Variants in ATXN1 observed in about 807,000 individuals in gnomAD.
ATXN1 encodes the protein ataxin 1, also known as ataxin-1.
Under a neutral mutation model 56.4 loss-of-function variants are expected in ATXN1, and 8 were observed. That is an observed-to-expected ratio of 0.14 (90% CI 0.08 to 0.26). ATXN1 has a LOEUF of 0.26. Ranked by LOEUF, ATXN1 falls within the 10% of genes least tolerant of loss-of-function variation. The probability of loss-of-function intolerance (pLI) is 1.00; values close to 1 mark genes in which losing one functional copy is unlikely to be tolerated. For missense variants in ATXN1, 987 were observed against 1,106.5 expected (o/e 0.89, Z 1.53); for synonymous variants, 514 against 494.6 (o/e 1.04, Z -0.52).
At chr6:16,377,077 GA>G (rs1762154695) in intron 6 of ATXN1, among the ~76,000 whole-genome samples, 1 of 152,120 alleles carries the variant, frequency 6.6e-6, no homozygotes, top group South Asian at 2.1e-4. Context: ...GGACCCCAGA[GA>G]GCGACCTTGC....
intron 3 of ATXN1, among the ~76,000 whole-genome samples, chr6:16,588,709 T>C (rs1488700776): frequency 1.3e-5 from 2 of 152,178 alleles, no homozygotes; most frequent in Non-Finnish European, 2.9e-5. Context: ...CCTCCTTTCA[T>C]CTTTGGGATT....
chr6:16,590,193 T>C (rs1762698673), intron 3 of ATXN1, among the ~76,000 whole-genome samples: 2 of 152,222 alleles, frequency 1.3e-5, no homozygotes, highest in African/African-American at 4.8e-5. Flanking sequence ...GAATATGCCA[T>C]AAAATGTCTG....
chr6:16,528,230 G>C (rs1186498033), intron 4 of ATXN1, among the ~76,000 whole-genome samples: 3 of 151,776 alleles, frequency 2.0e-5, no homozygotes, highest in Non-Finnish European at 4.4e-5. Flanking sequence ...TAACCCGGGA[G>C]GTGGAGGTTG....
At position 16,327,714 on chromosome 6, in the gene ATXN1, C is replaced by G; in HGVS notation, c.597G>C (p.Gln199His). The G allele has an allele frequency of 6.2e-7, 1 of 1,606,084 alleles. No individual in the cohort carries two copies. The part of the protein sequence containing the change: ...QTPGHKAEQQ[Q>H]QQQQQQQQQH... The stretch of plus-strand genomic sequence containing the variant: ...GCTGCTGCTGCTGCTGCTGCTGCTG[C>G]TGCTGCTGCTCAGCCTTGTGTCCCG... The change falls in exon 7 of 8, where the codon CAG becomes CAC. Residue 199 changes from glutamine to histidine, a missense_variant. Transcript: ENST00000436367.
At chr6:16,500,342 A>G (rs970315015) in intron 5 of ATXN1, among the ~76,000 whole-genome samples, 1 of 152,128 alleles carries the variant, frequency 6.6e-6, no homozygotes, top group Non-Finnish European at 1.5e-5. Flanking sequence ...ATTTTAATAC[A>G]ATTGTTTCAA....
At chr6:16,692,292 G>A (rs1759064510) in intron 2 of ATXN1, among the ~76,000 whole-genome samples, 1 of 152,134 alleles carries the variant, frequency 6.6e-6, no homozygotes, top group African/African-American at 2.4e-5. Flanking sequence ...TGTAACCATT[G>A]AAGTAAACAT....
chr6:16,306,482 C>G lies in ATXN1; in HGVS notation c.2295G>C (p.Lys765Asn). The G allele has an allele frequency of 6.2e-7, 1 of 1,614,192 alleles. No homozygotes were observed. Among genetic ancestry groups the G allele is most frequent in the Non-Finnish European group, 8.5e-7 (1 of 1,180,048 alleles). Residue 765 changes from lysine to asparagine, a missense_variant, in exon 8 of 8, where the codon AAG becomes AAC. Transcript: ENST00000436367. The surrounding 1 kb of genome is among the most constrained non-coding windows in gnomAD (Gnocchi z 5.2). ...ACCTCCTCTTCCTCGTTGCCGCGGG[C>G]TTGCTGGGTTCTATTTTGGTGAGGA... is the stretch of plus-strand genomic sequence containing the variant. ...APFLTKIEPSKPAATRKRRWS... is the reference protein window; with the variant it reads ...APFLTKIEPSNPAATRKRRWS...
At chr6:16,443,014 AAAAC>A (rs1211705264) in intron 6 of ATXN1, among the ~76,000 whole-genome samples, 4 of 151,728 alleles carry the variant, frequency 2.6e-5, no homozygotes, top group South Asian at 2.1e-4. Context: ...TTGGTCTGGA[AAAAC>A]AAACAAACAA....
intron 2 of ATXN1, among the ~76,000 whole-genome samples, chr6:16,711,424 G>A (rs1284812915): frequency 6.6e-6 from 1 of 151,464 alleles, no homozygotes; most frequent in Non-Finnish European, 1.5e-5. Flanking sequence ...AAATTTAAAG[G>A]GGCTCATCAA....
At chr6:16,609,662 C>T (rs1763070046) in intron 3 of ATXN1, among the ~76,000 whole-genome samples, 1 of 152,204 alleles carries the variant, frequency 6.6e-6, no homozygotes, top group Non-Finnish European at 1.5e-5. Context: ...GAACAATTTC[C>T]AGGGCGGGCT....
At chr6:16,677,481 C>G (rs552865010) in intron 2 of ATXN1, among the ~76,000 whole-genome samples, 13 of 152,246 alleles carry the variant, frequency 8.5e-5, no homozygotes, top group Middle Eastern at 3.4e-3. Flanking sequence ...GTGTCCTCAT[C>G]ATTAGGTCAG....
At chr6:16,672,101 G>A (rs1170454759) in intron 2 of ATXN1, among the ~76,000 whole-genome samples, 1 of 152,146 alleles carries the variant, frequency 6.6e-6, no homozygotes, top group Non-Finnish European at 1.5e-5. Flanking sequence ...TTAAGGCCCA[G>A]GAATCTGAAT....
chr6:16,748,012 A>G (rs1760590900), intron 2 of ATXN1, among the ~76,000 whole-genome samples: 1 of 152,226 alleles, frequency 6.6e-6, no homozygotes, highest in South Asian at 2.1e-4. Context: ...GCAATGACCC[A>G]GTGAAGTTCT....
intron 6 of ATXN1, among the ~76,000 whole-genome samples, chr6:16,477,956 A>C (rs1760359592): frequency 6.6e-6 from 1 of 151,612 alleles, no homozygotes; most frequent in Non-Finnish European, 1.5e-5. Context: ...GTGACTGCCA[A>C]CTCCCTTCTG....
intron 6 of ATXN1, among the ~76,000 whole-genome samples, chr6:16,349,670 T>C (rs1428213800): frequency 2.0e-5 from 3 of 152,210 alleles, no homozygotes. Context: ...TTTCAAGTCT[T>C]ACCGGTTCAG....
chr6:16,672,876 G>A (rs1183879500), intron 2 of ATXN1, among the ~76,000 whole-genome samples: 2 of 151,868 alleles, frequency 1.3e-5, no homozygotes, highest in Admixed American at 6.6e-5. Context: ...AAATTTAGTT[G>A]GGTATGGTGC....
Position 16,306,651 on chromosome 6 carries a change from T to A in ATXN1, c.2126A>T (p.Lys709Met). The change falls in exon 8 of 8, where the codon AAG becomes ATG. Residue 709 changes from lysine to methionine, a missense_variant. Around this residue, in one of 3 missense-constraint regions of ATXN1, gnomAD observed 196 missense variants for 196.7 expected, o/e 1.00. Transcript: ENST00000436367. The surrounding 1 kb of genome is among the most constrained non-coding windows in gnomAD (Gnocchi z 5.2). ...CGCCAGGCCGTCGGCCTTTGAGTGC[T>A]TCAGCAGGACGCTGGCGGGATCCAC... is the stretch of plus-strand genomic sequence containing the variant. ...QPVDPASVLL[K>M]HSKADGLAGS... 1 of 1,614,238 alleles carries A rather than the reference T, an allele frequency of 6.2e-7. No individual in the cohort carries two copies. The highest frequency in any genetic ancestry group is 8.5e-7 in the Non-Finnish European group (1 of 1,180,038).
intron 6 of ATXN1, among the ~76,000 whole-genome samples, chr6:16,440,648 A>AAAAAAAAAAAAAAAAAAGAAAG (rs748929817): frequency 1.3e-4 from 15 of 118,558 alleles, no homozygotes; most frequent in African/African-American, 2.1e-4. Context: ...CTTAAAAAAA[A>AAAAAAAAAAAAAAAAAAGAAAG]AAAAGAAAAG....
chr6:16,733,043 G>A (rs902655645), intron 2 of ATXN1, among the ~76,000 whole-genome samples: 13 of 152,088 alleles, frequency 8.5e-5, no homozygotes, highest in East Asian at 1.9e-4. Context: ...TTTTCCAACC[G>A]ATGAAAGAAT....
Sources: allele counts gnomAD v4.1 joint callset (sites outside exome capture counted in the v4.1 genomes callset), GRCh38; gene constraint gnomAD v4.1.1; regional missense constraint gnomAD v4.1.1; non-coding constraint Gnocchi (gnomAD v3.1); transcripts MANE v1.5; gene names NCBI Gene and HGNC (gene_info 2026-07-23, HGNC 2026-07-21).